The following GALNT13 variants were observed in gnomAD, a reference collection of about 807,000 sequenced individuals.
GALNT13 encodes UDP-GalNAc:polypeptide N-acetylgalactosaminyltransferase 13.
GALNT13 carries 28 observed loss-of-function variants against 64.2 expected under a neutral mutation model. That is an observed-to-expected ratio of 0.44 (90% CI 0.32 to 0.60). GALNT13 has a LOEUF of 0.60. Ranked by LOEUF, GALNT13 falls within the 20% of genes least tolerant of loss-of-function variation. GALNT13 has a pLI of 0.05. For synonymous variants in GALNT13, 214 were observed against 224.6 expected, an observed-to-expected ratio of 0.95 and a Z score of 0.42; for missense variants, 577 against 669.8, an observed-to-expected ratio of 0.86 and a Z score of 1.53.
chr2:153,208,973 C>CTTTTTTGTTTTTTTTT, the GALNT13 span, among the ~76,000 whole-genome samples: 1 of 74,682 alleles, frequency 1.3e-5, no homozygotes, highest in African/African-American at 5.8e-5. Context: ...TGGTTTTGGT[C>CTTTTTTGTTTTTTTTT]TTTTTTTTTT....
chr2:153,664,224 A>T, the GALNT13 span, among the ~76,000 whole-genome samples: 1 of 152,152 alleles, frequency 6.6e-6, no homozygotes, highest in Non-Finnish European at 1.5e-5. Flanking sequence ...ACCACGTAAG[A>T]CAGACACTCC....
the GALNT13 span, among the ~76,000 whole-genome samples, chr2:153,819,698 C>T: frequency 1.3e-5 from 2 of 152,332 alleles, no homozygotes; most frequent in Non-Finnish European, 2.9e-5. Flanking sequence ...CCTGCAAGCA[C>T]CATCTACTGG....
At chr2:153,655,252 T>C in the GALNT13 span, among the ~76,000 whole-genome samples, 1 of 152,128 alleles carries the variant, frequency 6.6e-6, no homozygotes, top group African/African-American at 2.4e-5. Context: ...ATATTAAACA[T>C]TTTTCTGTGT....
At chr2:153,296,796 A>T in the GALNT13 span, among the ~76,000 whole-genome samples, 1 of 151,744 alleles carries the variant, frequency 6.6e-6, no homozygotes, top group Non-Finnish European at 1.5e-5. Flanking sequence ...TGGATTCTCA[A>T]TTTTTTTTTA....
the GALNT13 span, among the ~76,000 whole-genome samples, chr2:153,357,674 T>C: frequency 6.6e-6 from 1 of 152,182 alleles, no homozygotes; most frequent in African/African-American, 2.4e-5. Context: ...TCTTCAGCTG[T>C]ACATAGTCAC....
At chr2:153,737,466 G>C in the GALNT13 span, among the ~76,000 whole-genome samples, 1 of 151,526 alleles carries the variant, frequency 6.6e-6, no homozygotes, top group South Asian at 2.1e-4. Flanking sequence ...TTAAAATAAA[G>C]CACATTTTTT....
At chr2:154,092,711 A>G (rs1172850402) in intron 3 of GALNT13, among the ~76,000 whole-genome samples, 1 of 152,046 alleles carries the variant, frequency 6.6e-6, no homozygotes, top group Admixed American at 6.6e-5. Flanking sequence ...GAGAAACATC[A>G]TTTACTCCAT....
chr2:153,547,269 C>A, the GALNT13 span, among the ~76,000 whole-genome samples: 42 of 152,276 alleles, frequency 2.8e-4, no homozygotes, highest in Non-Finnish European at 4.4e-4. Flanking sequence ...TGAGAAGATA[C>A]CTTTTTAGCC....
the GALNT13 span, among the ~76,000 whole-genome samples, chr2:153,520,523 G>T: frequency 6.6e-6 from 1 of 152,146 alleles, no homozygotes; most frequent in Non-Finnish European, 1.5e-5. Flanking sequence ...CTGACCTCAG[G>T]AATGCTTCAT....
At chr2:153,218,414 G>A in the GALNT13 span, among the ~76,000 whole-genome samples, 1,136 of 152,104 alleles carry the variant, frequency 7.5e-3, 7 homozygotes, top group Non-Finnish European at 0.01. Flanking sequence ...CCTCTTAGTC[G>A]TTAAGAGGTT....
At chr2:153,604,062 A>G in the GALNT13 span, among the ~76,000 whole-genome samples, 1 of 152,018 alleles carries the variant, frequency 6.6e-6, no homozygotes. Context: ...TGCATTACTT[A>G]CAATGTAAAG....
At chr2:153,840,801 G>A in the GALNT13 span, among the ~76,000 whole-genome samples, 2 of 152,136 alleles carry the variant, frequency 1.3e-5, no homozygotes, top group Admixed American at 6.6e-5. Context: ...CTTATCTCCC[G>A]CTAATGTTGC....
chr2:153,480,960 A>AAT, the GALNT13 span, among the ~76,000 whole-genome samples: 1 of 152,306 alleles, frequency 6.6e-6, no homozygotes. Context: ...TATTGCTAGG[A>AAT]ACAGTATTGC....
At chr2:154,349,378 T>A (rs1045137875) in intron 9 of GALNT13, among the ~76,000 whole-genome samples, 1 of 152,258 alleles carries the variant, frequency 6.6e-6, no homozygotes, top group African/African-American at 2.4e-5. Flanking sequence ...TTTAAAGCAC[T>A]TTTTAAATGA....
chr2:153,864,589 T>A, the GALNT13 span, among the ~76,000 whole-genome samples: 4 of 152,184 alleles, frequency 2.6e-5, no homozygotes, highest in East Asian at 7.7e-4. Flanking sequence ...TTTCTAGATA[T>A]ATAATCAACT....
the GALNT13 span, among the ~76,000 whole-genome samples, chr2:153,196,139 C>T: frequency 1.3e-5 from 2 of 152,216 alleles, no homozygotes; most frequent in Admixed American, 6.5e-5. Context: ...CTCCGGTTCC[C>T]ATCCCAGGTT....
At chr2:154,135,141 AC>A in intron 3 of GALNT13, among the ~76,000 whole-genome samples, 1 of 152,288 alleles carries the variant, frequency 6.6e-6, no homozygotes, top group African/African-American at 2.4e-5. Context: ...TTGATATTTC[AC>A]TGTTTTTCTA....
chr2:153,747,754 A>G, the GALNT13 span, among the ~76,000 whole-genome samples: 1 of 152,034 alleles, frequency 6.6e-6, no homozygotes, highest in Admixed American at 6.6e-5. Flanking sequence ...AGATCCCACA[A>G]ATAAGTGAGA....
chr2:154,192,746 A>T (rs778645465), intron 4 of GALNT13, among the ~76,000 whole-genome samples: 1 of 152,286 alleles, frequency 6.6e-6, no homozygotes, highest in East Asian at 1.9e-4. Flanking sequence ...ATCTTGAAGG[A>T]CAAAGGTTTT....
Sources: gnomAD v4.1 joint callset for allele counts (sites outside exome capture counted in the v4.1 genomes callset) on GRCh38, gnomAD v4.1.1 for gene constraint, MANE v1.5 for transcripts, NCBI Gene and HGNC (gene_info 2026-07-23, HGNC 2026-07-21) for gene names.